Variants in NAALADL2 observed in about 807,000 individuals in gnomAD.
The protein encoded by NAALADL2 is N-acetylated alpha-linked acidic dipeptidase like 2, also known as inactive N-acetylated-alpha-linked acidic dipeptidase-like protein 2.
In NAALADL2, 76 loss-of-function variants were observed where a neutral mutation model predicts 87.2. The observed-to-expected ratio is 0.87, with a 90% CI of 0.72 to 1.05. The LOEUF (loss-of-function observed/expected upper bound fraction) is 1.05. NAALADL2 is among the 50% of genes least tolerant of loss of function. NAALADL2 has a pLI of 0.00. For synonymous variants in NAALADL2, 354 were observed against 331.0 expected (o/e 1.07, Z -0.75); for missense variants, 1,089 against 945.8 (o/e 1.15, Z -1.99).
chr3:175,538,890 A>G (rs951857553), intron 9 of NAALADL2, among the ~76,000 whole-genome samples: 1 of 152,232 alleles, frequency 6.6e-6, no homozygotes, highest in African/African-American at 2.4e-5. Context: ...TCACAGCTCA[A>G]GGACAGATTT....
chr3:175,587,037 G>A (rs1488121506), intron 10 of NAALADL2, among the ~76,000 whole-genome samples: 3 of 152,204 alleles, frequency 2.0e-5, no homozygotes, highest in Admixed American at 6.5e-5. Flanking sequence ...CATCTTTGGT[G>A]AAAGGATGGT....
chr3:175,374,795 C>T (rs572567849), intron 5 of NAALADL2, among the ~76,000 whole-genome samples: 32 of 151,226 alleles, frequency 2.1e-4, no homozygotes, highest in African/African-American at 7.8e-4. Context: ...ATTACCTGAG[C>T]CTGGGGAGGG....
intron 3 of NAALADL2, among the ~76,000 whole-genome samples, chr3:174,762,895 TTAA>T (rs1225304922): frequency 6.6e-6 from 1 of 152,232 alleles, no homozygotes; most frequent in Non-Finnish European, 1.5e-5. Context: ...AGATATCTTC[TTAA>T]TAATTGAAAT....
In NAALADL2 at chr3:174,819,058, C is replaced by CTTTTTTTTTTTTTTTTTTTTTTTTTTTTT. The variant is rs3040106; in HGVS notation, c.-9+81340_-9+81341insTTTTTTTTTTTTTTTTTTTTTTTTTTTTT. 1.3e-3 allele frequency among the ~76,000 whole-genome samples: 60 copies of CTTTTTTTTTTTTTTTTTTTTTTTTTTTTT among 47,546 alleles called. 13 individuals are homozygous for CTTTTTTTTTTTTTTTTTTTTTTTTTTTTT. The highest frequency in any genetic ancestry group is 2.9e-3 in the Admixed American group (10 of 3,466). 31.2% of individuals were successfully genotyped at this position (47,546 alleles called of 152,430 possible). A position where few individuals can be genotyped will look rare whatever the true frequency, so the allele number is the denominator to read the frequency against. ...GAATTTCTTTATTATACCATTTATT[C>CTTTTTTTTTTTTTTTTTTTTTTTTTTTTT]TTTTTTTTTTTTTTTTTTTTTTTTT... On this transcript the variant is annotated intron_variant, in intron 3 of 3. Transcript: ENST00000434257.
intron 13 of NAALADL2, among the ~76,000 whole-genome samples, chr3:175,789,965 G>A (rs1752578042): frequency 6.6e-6 from 1 of 152,050 alleles, no homozygotes; most frequent in South Asian, 2.1e-4. Flanking sequence ...AACACATAGT[G>A]ACAACAGAGT....
At chr3:174,928,938 A>C (rs1403625846) in intron 1 of NAALADL2, among the ~76,000 whole-genome samples, 1 of 152,220 alleles carries the variant, frequency 6.6e-6, no homozygotes, top group Non-Finnish European at 1.5e-5. Context: ...TTGCCCATAT[A>C]GAACTTATAA....
At chr3:174,447,763 C>T (rs545144712) in intron 1 of NAALADL2, among the ~76,000 whole-genome samples, 3 of 151,400 alleles carry the variant, frequency 2.0e-5, no homozygotes, top group South Asian at 4.2e-4. Flanking sequence ...TTCAGTGAGC[C>T]GAGATCACAC....
intron 1 of NAALADL2, among the ~76,000 whole-genome samples, chr3:174,987,576 A>AT (rs1477955580): frequency 8.5e-6 from 1 of 117,146 alleles, no homozygotes; most frequent in African/African-American, 4.9e-5. Flanking sequence ...CTCAAAAAAA[A>AT]AAAAAAAAAA....
intron 1 of NAALADL2, among the ~76,000 whole-genome samples, chr3:174,546,251 A>C (rs1578137779): frequency 6.6e-6 from 1 of 152,128 alleles, no homozygotes; most frequent in South Asian, 2.1e-4. Flanking sequence ...TGAAATTCCC[A>C]CAAGTCAGTA....
In NAALADL2 at chr3:174,956,237, G is replaced by C. The variant is rs183375756; in HGVS notation, c.43+96787G>C. Among the ~76,000 whole-genome samples the C allele has an allele frequency of 2.7e-3, 418 of 152,104 alleles. 8 individuals are homozygous for C. Among genetic ancestry groups the C allele is most frequent in the Admixed American group, 0.024 (372 of 15,236 alleles). Reference sequence around the variant, plus strand: ...TTTGCAGATCTCATTTTCTTTCCACGATTAGAAGTAATTTTGTCATGGTAA... The same window carrying C: ...TTTGCAGATCTCATTTTCTTTCCACCATTAGAAGTAATTTTGTCATGGTAA... On this transcript the variant is annotated intron_variant, in intron 1 of 13. Transcript: ENST00000454872.
intron 1 of NAALADL2, among the ~76,000 whole-genome samples, chr3:174,949,551 A>G (rs1022893941): frequency 1.3e-5 from 2 of 152,224 alleles, no homozygotes; most frequent in African/African-American, 2.4e-5. Context: ...GGCTTTTAAT[A>G]TATTTCACAC....
chr3:175,524,939 A>G (rs1171293130), intron 9 of NAALADL2, among the ~76,000 whole-genome samples: 1 of 152,142 alleles, frequency 6.6e-6, no homozygotes, highest in Non-Finnish European at 1.5e-5. Context: ...ACTAACTCTT[A>G]TAACAGGAAC....
At chr3:174,485,699 T>C (rs1717811313) in intron 1 of NAALADL2, among the ~76,000 whole-genome samples, 1 of 152,026 alleles carries the variant, frequency 6.6e-6, no homozygotes, top group South Asian at 2.1e-4. Flanking sequence ...AGTCTACCAT[T>C]GGTGGTCACT....
chr3:175,233,796 T>C (rs949476813), intron 2 of NAALADL2, 135 bp from the exon 3 acceptor site: 2 of 609,232 alleles, frequency 3.3e-6, no homozygotes, highest in Non-Finnish European at 5.8e-6. Flanking sequence ...ATGTTTCATG[T>C]GATAGGGTCC....
At chr3:174,888,952 A>G (rs529862352) in intron 1 of NAALADL2, among the ~76,000 whole-genome samples, 7 of 152,290 alleles carry the variant, frequency 4.6e-5, no homozygotes, top group African/African-American at 1.7e-4. Flanking sequence ...TTGAATCTCA[A>G]AAAACTTTGT....
chr3:174,454,809 T>G (rs1715718802), intron 1 of NAALADL2, among the ~76,000 whole-genome samples: 1 of 151,886 alleles, frequency 6.6e-6, no homozygotes, highest in South Asian at 2.1e-4. Context: ...CAACCTAACA[T>G]CACACAACTA....
chr3:175,450,565 C>T (rs78406305), intron 6 of NAALADL2, among the ~76,000 whole-genome samples: 1,655 of 152,236 alleles, frequency 0.011, 25 homozygotes, highest in African/African-American at 0.036. Flanking sequence ...CTACATTTAA[C>T]ACCTCTAGTG....
chr3:174,910,130 G>T (rs1317352863), intron 1 of NAALADL2, among the ~76,000 whole-genome samples: 2 of 151,612 alleles, frequency 1.3e-5, no homozygotes, highest in Admixed American at 1.3e-4. Flanking sequence ...TTAGAGATTG[G>T]CTTTAAGAAT....
At chr3:174,887,397 GT>G (rs1213599849) in intron 1 of NAALADL2, among the ~76,000 whole-genome samples, 1 of 152,042 alleles carries the variant, frequency 6.6e-6, no homozygotes, top group Non-Finnish European at 1.5e-5. Flanking sequence ...AATTATATAT[GT>G]TCTGTTTATT....
Sources: gnomAD v4.1 joint callset for allele counts (sites outside exome capture counted in the v4.1 genomes callset) on GRCh38, gnomAD v4.1.1 for gene constraint, MANE v1.5 for transcripts, NCBI Gene and HGNC (gene_info 2026-07-23, HGNC 2026-07-21) for gene names.